PROS1: variants seen among roughly 807,000 people sequenced by gnomAD.
PROS1 encodes vitamin K-dependent protein S.
PROS1 carries 29 observed loss-of-function variants against 75.9 expected under a neutral mutation model. The ratio of observed to expected loss-of-function variants is 0.38; its 90% CI spans 0.28 to 0.52. The LOEUF is 0.52. PROS1 is among the 20% of genes least tolerant of loss of function. The probability of loss-of-function intolerance (pLI) is 0.83; values close to 1 mark genes in which losing one functional copy is unlikely to be tolerated. For missense variants in PROS1, 680 were observed against 810.3 expected (o/e 0.84, Z 1.95); for synonymous variants, 245 against 280.6 (o/e 0.87, Z 1.27).
intron 9 of PROS1, among the ~76,000 whole-genome samples, chr3:93,896,126 A>T (rs554701376): frequency 3.9e-5 from 6 of 152,330 alleles, no homozygotes; most frequent in African/African-American, 9.6e-5. Flanking sequence ...AAATTATGTA[A>T]TATATGTCTT....
chr3:93,945,513 A>G (rs562749002), intron 1 of PROS1, among the ~76,000 whole-genome samples: 1 of 152,336 alleles, frequency 6.6e-6, no homozygotes, highest in South Asian at 2.1e-4. Flanking sequence ...ACATATGTAA[A>G]TCAATAAATC....
chr3:93,894,657 A>G (rs1218699412), intron 9 of PROS1, among the ~76,000 whole-genome samples: 1 of 152,174 alleles, frequency 6.6e-6, no homozygotes, highest in African/African-American at 2.4e-5. Flanking sequence ...TTTCACAAGC[A>G]TGGTAAACAG....
chr3:93,941,715 C>G lies in PROS1; in HGVS notation c.77-14308G>C, dbSNP rs555949628. ...CAAGGACCAGGACCACACCTTGTAGCCTTTTTGTCCAAACAACTTGACCTT... is the reference window on the plus strand; with the variant it reads ...CAAGGACCAGGACCACACCTTGTAGGCTTTTTGTCCAAACAACTTGACCTT... On this transcript the variant is annotated intron_variant, in intron 1 of 14. Transcript: ENST00000394236. 1.1e-4 allele frequency among the ~76,000 whole-genome samples: 17 copies of G among 152,290 alleles called. No individual in the cohort carries two copies. The South Asian group carries it at 3.5e-3, about 32-fold the overall frequency.
At chr3:93,899,250 T>C (rs1480264868) in intron 7 of PROS1, among the ~76,000 whole-genome samples, 1 of 152,026 alleles carries the variant, frequency 6.6e-6, no homozygotes, top group African/African-American at 2.4e-5. Flanking sequence ...AAATCATTCT[T>C]GGAAATTTAT....
intron 1 of PROS1, among the ~76,000 whole-genome samples, chr3:93,962,155 G>A (rs1709717086): frequency 6.6e-6 from 1 of 152,074 alleles, no homozygotes; most frequent in Non-Finnish European, 1.5e-5. Flanking sequence ...AGAAACAGGG[G>A]TGGCTGAGCT....
chr3:93,934,176 T>G (rs1279685740), intron 1 of PROS1, among the ~76,000 whole-genome samples: 1 of 149,966 alleles, frequency 6.7e-6, no homozygotes, highest in Non-Finnish European at 1.5e-5. Context: ...CAAGACGCCA[T>G]CACATTAAAA....
At chr3:93,892,907 G>A in intron 10 of PROS1, 26 bp downstream of exon 10, 1 of 1,590,292 alleles carries the variant, frequency 6.3e-7, no homozygotes, top group Non-Finnish European at 8.6e-7. Context: ...AAAGTGGGAA[G>A]ATATTGATGA....
At chr3:93,890,987 C>G (rs1708423670) in intron 10 of PROS1, among the ~76,000 whole-genome samples, 1 of 152,028 alleles carries the variant, frequency 6.6e-6, no homozygotes. Context: ...CACTGATAGT[C>G]CCAGCTACTC....
intron 1 of PROS1, among the ~76,000 whole-genome samples, chr3:93,970,075 ACATT>A (rs1294148911): frequency 6.6e-6 from 1 of 152,200 alleles, no homozygotes; most frequent in African/African-American, 2.4e-5. Flanking sequence ...CATCAGTGCA[ACATT>A]TTGGACTTTT....
At chr3:93,888,602 C>A (rs1708384557) in intron 10 of PROS1, among the ~76,000 whole-genome samples, 1 of 152,136 alleles carries the variant, frequency 6.6e-6, no homozygotes, top group African/African-American at 2.4e-5. Flanking sequence ...GGCCTTAAAA[C>A]CCCTCTTTAT....
chr3:93,877,117 A>G lies in PROS1; in HGVS notation c.1719T>C (p.Ser573=). The G allele has an allele frequency of 6.2e-7, 1 of 1,612,736 alleles. No individual in the cohort carries two copies. Among genetic ancestry groups the G allele is most frequent in the Non-Finnish European group, 8.5e-7 (1 of 1,178,860 alleles). ...TTCTGTTGACTCTAAATTCCAGATGAGATTGTTGATCGGAACATAGACTTA... is the reference window on the plus strand; with the variant it reads ...TTCTGTTGACTCTAAATTCCAGATGGGATTGTTGATCGGAACATAGACTTA... ...QALSLCSDQQ[S]HLEFRVNRNN... Residue 573 remains serine (S), a synonymous_variant, in exon 14 of 15, where the codon TCT becomes TCC. Coordinates refer to ENST00000394236, the MANE Select transcript of PROS1 (RefSeq NM_000313.4).
chr3:93,894,498 C>T (rs1025032704), intron 9 of PROS1, among the ~76,000 whole-genome samples: 2 of 152,182 alleles, frequency 1.3e-5, no homozygotes, highest in Non-Finnish European at 2.9e-5. Flanking sequence ...CAGGATCTTC[C>T]AGCAGTTGAT....
chr3:93,884,676 G>T, intron 12 of PROS1, 52 bp downstream of exon 12: 1 of 1,520,858 alleles, frequency 6.6e-7, no homozygotes. Flanking sequence ...GTTTGTTAAT[G>T]AATAAATTTA....
intron 6 of PROS1, among the ~76,000 whole-genome samples, chr3:93,902,397 G>T (rs1297735931): frequency 6.6e-6 from 1 of 152,156 alleles, no homozygotes; most frequent in East Asian, 1.9e-4. Flanking sequence ...GATCATACAA[G>T]TTTAAGTTAC....
intron 2 of PROS1, among the ~76,000 whole-genome samples, chr3:93,926,330 T>C (rs1487608739): frequency 6.6e-6 from 1 of 152,182 alleles, no homozygotes; most frequent in East Asian, 1.9e-4. Flanking sequence ...ACTTAAAATC[T>C]TTCATGTAAA....
At position 93,893,007 on chromosome 3, in the gene PROS1, C is replaced by T. The variant is rs1156920090; in HGVS notation, c.1081G>A (p.Val361Ile). The T allele has an allele frequency of 6.2e-7, 1 of 1,613,726 alleles. No individual in the cohort carries two copies. Among genetic ancestry groups the T allele is most frequent in the Non-Finnish European group, 8.5e-7 (1 of 1,179,932 alleles). The change falls in exon 10 of 15, where the codon GTT (valine) becomes ATT (isoleucine). Residue 361 changes from valine to isoleucine, a missense_variant. Coordinates refer to ENST00000394236, the MANE Select transcript of PROS1 (RefSeq NM_000313.4). ...GATGTATGTTCATTCTTAAGCTGAA[C>T]TTCAATCTTTCCACCACGAAGTGCA... ...LIALRGGKIEVQLKNEHTSKI... is the reference protein window; with the variant it reads ...LIALRGGKIEIQLKNEHTSKI...
Position 93,973,707 on chromosome 3 carries a change from G to C in PROS1, c.43C>G (p.Leu15Val). 1.9e-6 allele frequency: 3 copies of C among 1,614,000 alleles called. No individual in the cohort carries two copies. Among genetic ancestry groups the C allele is most frequent in the Non-Finnish European group, 2.5e-6 (3 of 1,179,926 alleles). ...TCTGAGACGGGAAGCACTAGGAGGAGACACGCCAGCAGCGCCCCGCAGCGC... is the reference window on the plus strand; with the variant it reads ...TCTGAGACGGGAAGCACTAGGAGGACACACGCCAGCAGCGCCCCGCAGCGC... ...GGRCGALLAC[L>V]LLVLPVSEAN... Residue 15 changes from leucine (L) to valine (V), a missense_variant, in exon 1 of 15, where the codon CTC becomes GTC. Coordinates refer to ENST00000394236, the MANE Select transcript of PROS1 (RefSeq NM_000313.4).
intron 1 of PROS1, among the ~76,000 whole-genome samples, chr3:93,955,771 C>T (rs1174780114): frequency 6.6e-6 from 1 of 151,288 alleles, no homozygotes; most frequent in East Asian, 1.9e-4. Flanking sequence ...ATTGTCATTA[C>T]CATTATTTTA....
At chr3:93,939,021 C>T (rs748330095) in intron 1 of PROS1, among the ~76,000 whole-genome samples, 4 of 151,592 alleles carry the variant, frequency 2.6e-5, no homozygotes, top group Non-Finnish European at 4.4e-5. Flanking sequence ...AACCTTCCAC[C>T]CTCTATTCCC....
Sources: allele counts gnomAD v4.1 joint callset (sites outside exome capture counted in the v4.1 genomes callset), GRCh38; gene constraint gnomAD v4.1.1; transcripts MANE v1.5; gene names NCBI Gene and HGNC (gene_info 2026-07-23, HGNC 2026-07-21).